The following LRRTM4 variants were observed in gnomAD, a reference collection of about 807,000 sequenced individuals.
The protein encoded by LRRTM4 is leucine rich repeat transmembrane neuronal 4, also known as leucine-rich repeat transmembrane neuronal protein 4.
In LRRTM4, 25 loss-of-function variants were observed where a neutral mutation model predicts 47.6. That is an observed-to-expected ratio of 0.53 (90% CI 0.38 to 0.73). The LOEUF is 0.73. Among genes scored for constraint, LRRTM4 ranks in the 30% least tolerant of loss-of-function variants. LRRTM4 has a pLI of 0.00. For missense variants in LRRTM4, 638 were observed against 713.4 expected (o/e 0.89, Z 1.20); for synonymous variants, 311 against 269.5 (o/e 1.15, Z -1.51).
intron 3 of LRRTM4, among the ~76,000 whole-genome samples, chr2:77,238,296 T>A (rs1031726963): frequency 2.5e-4 from 38 of 152,206 alleles, no homozygotes; most frequent in African/African-American, 7.2e-4. Context: ...AAGTACAAAA[T>A]TTTTAAAAGG....
At chr2:77,422,559 T>C (rs1240268151) in intron 3 of LRRTM4, among the ~76,000 whole-genome samples, 1 of 152,218 alleles carries the variant, frequency 6.6e-6, no homozygotes, top group African/African-American at 2.4e-5. Flanking sequence ...ATACATTTGC[T>C]TTCTTATTGA....
intron 3 of LRRTM4, among the ~76,000 whole-genome samples, chr2:77,455,085 G>A (rs1457093589): frequency 6.6e-6 from 1 of 152,094 alleles, no homozygotes; most frequent in Non-Finnish European, 1.5e-5. Flanking sequence ...CTACTCAGGA[G>A]GCTGAGACAG....
At chr2:76,968,741 C>T (rs1558768144) in intron 3 of LRRTM4, among the ~76,000 whole-genome samples, 4 of 151,624 alleles carry the variant, frequency 2.6e-5, no homozygotes, top group Admixed American at 2.0e-4. Flanking sequence ...CCTTACTCTC[C>T]GAAACTACCC....
chr2:77,300,735 T>A (rs143691747), intron 3 of LRRTM4, among the ~76,000 whole-genome samples: 1 of 152,272 alleles, frequency 6.6e-6, no homozygotes, highest in African/African-American at 2.4e-5. Flanking sequence ...TGCCTGCTCA[T>A]ATGTTCATTT....
chr2:77,508,237 T>C (rs1678852679), intron 3 of LRRTM4, among the ~76,000 whole-genome samples: 1 of 152,220 alleles, frequency 6.6e-6, no homozygotes, highest in East Asian at 1.9e-4. Context: ...GACTGTGTAT[T>C]GGGGAATGTG....
At chr2:77,479,730 ATCTCTCTCTTTCTCTTTCTCTTTC>A (rs1284020121) in intron 3 of LRRTM4, among the ~76,000 whole-genome samples, 1,503 of 144,738 alleles carry the variant, frequency 0.01, 25 homozygotes, top group African/African-American at 0.036. Flanking sequence ...TCTTCTCTCC[ATCTCTCTCTTTCTCTTTCTCTTTC>A]TCTCTCTCTT....
intron 3 of LRRTM4, among the ~76,000 whole-genome samples, chr2:77,503,524 G>A (rs750491826): frequency 1.3e-4 from 19 of 151,602 alleles, no homozygotes; most frequent in Admixed American, 6.6e-4. Context: ...TATACATGTG[G>A]GGAACTCAGA....
chr2:76,973,428 A>G (rs754988375), intron 3 of LRRTM4, among the ~76,000 whole-genome samples: 5 of 151,996 alleles, frequency 3.3e-5, no homozygotes, highest in African/African-American at 1.2e-4. Flanking sequence ...CTGCTGCATA[A>G]TTTAGAAAAT....
chr2:77,324,057 C>A (rs1670657191), intron 3 of LRRTM4, among the ~76,000 whole-genome samples: 1 of 152,098 alleles, frequency 6.6e-6, no homozygotes, highest in Non-Finnish European at 1.5e-5. Context: ...AATACAGATT[C>A]TTCAGGCACA....
At chr2:76,885,397 C>G (rs1264663173) in intron 3 of LRRTM4, among the ~76,000 whole-genome samples, 4 of 150,770 alleles carry the variant, frequency 2.7e-5, no homozygotes, top group Non-Finnish European at 3.0e-5. Context: ...GAATGATCAA[C>G]AACCAAAATA....
intron 3 of LRRTM4, among the ~76,000 whole-genome samples, chr2:77,054,205 A>G (rs1679529678): frequency 6.6e-6 from 1 of 152,220 alleles, no homozygotes; most frequent in Non-Finnish European, 1.5e-5. Context: ...GGGTACCTAC[A>G]GAGACTGTGC....
chr2:76,814,582 G>C lies in LRRTM4; in HGVS notation c.1552-65666C>G, dbSNP rs1345589661. Reference sequence around the variant, plus strand: ...ATACAATATGACAAATATTTACATAGAATTCATGTTGTATTAGGTATTATA... The same window carrying C: ...ATACAATATGACAAATATTTACATACAATTCATGTTGTATTAGGTATTATA... On this transcript the variant is annotated intron_variant, in intron 3 of 3. Transcript: ENST00000409884. Among the ~76,000 whole-genome samples the C allele has an allele frequency of 2.0e-5, 3 of 152,014 alleles. 1 individual carries two copies. Among genetic ancestry groups the C allele is most frequent in the Admixed American group, 1.3e-4 (2 of 15,248 alleles).
At chr2:77,018,619 TATG>T (rs57987525) in intron 3 of LRRTM4, among the ~76,000 whole-genome samples, 13,235 of 152,168 alleles carry the variant, frequency 0.087, 1,328 homozygotes, top group African/African-American at 0.24. Flanking sequence ...AGATTTTCAT[TATG>T]ATAAGAAATA....
chr2:77,397,863 G>A (rs1200108845), intron 3 of LRRTM4, among the ~76,000 whole-genome samples: 1 of 151,736 alleles, frequency 6.6e-6, no homozygotes, highest in African/African-American at 2.4e-5. Flanking sequence ...TGGTAGTGAT[G>A]GTTCCCATTA....
At chr2:77,163,966 C>A (rs183088392) in intron 3 of LRRTM4, among the ~76,000 whole-genome samples, 3 of 152,082 alleles carry the variant, frequency 2.0e-5, no homozygotes, top group East Asian at 3.9e-4. Context: ...ATAATATTAA[C>A]CTTAAATGTA....
chr2:77,046,917 T>A (rs1679254411), intron 3 of LRRTM4, among the ~76,000 whole-genome samples: 1 of 152,012 alleles, frequency 6.6e-6, no homozygotes. Context: ...AGCAGAAGCC[T>A]GATACTTAGA....
At chr2:76,859,188 G>A (rs1374740073) in intron 3 of LRRTM4, among the ~76,000 whole-genome samples, 1 of 152,154 alleles carries the variant, frequency 6.6e-6, no homozygotes, top group African/African-American at 2.4e-5. Context: ...AGGGGGTGAA[G>A]GATACTGGTT....
At chr2:77,516,080 C>T (rs952967562) in intron 3 of LRRTM4, among the ~76,000 whole-genome samples, 1 of 151,890 alleles carries the variant, frequency 6.6e-6, no homozygotes, top group Middle Eastern at 3.4e-3. Flanking sequence ...GTATAGCCTA[C>T]TAATGTCCAT....
At chr2:77,182,924 A>C (rs1673390227) in intron 3 of LRRTM4, among the ~76,000 whole-genome samples, 1 of 152,222 alleles carries the variant, frequency 6.6e-6, no homozygotes, top group African/African-American at 2.4e-5. Flanking sequence ...ACCTTATACA[A>C]AAATTAATTC....
Sources: allele counts gnomAD v4.1 joint callset (sites outside exome capture counted in the v4.1 genomes callset), GRCh38; gene constraint gnomAD v4.1.1; transcripts MANE v1.5; gene names NCBI Gene and HGNC (gene_info 2026-07-23, HGNC 2026-07-21).